Variants in FGF18 observed in about 807,000 individuals in gnomAD.
FGF18 encodes fibroblast growth factor 18.
Under a neutral mutation model 23.0 loss-of-function variants are expected in FGF18, and 5 were observed. The ratio of observed to expected loss-of-function variants is 0.22; its 90% CI spans 0.11 to 0.46. FGF18 has a LOEUF of 0.46. Ranked by LOEUF, FGF18 falls within the 20% of genes least tolerant of loss-of-function variation. FGF18 has a pLI of 0.99. For synonymous variants in FGF18, 117 were observed against 118.9 expected, an observed-to-expected ratio of 0.98 and a Z score of 0.10; for missense variants, 180 against 291.6, an observed-to-expected ratio of 0.62 and a Z score of 2.79.
chr5:171,438,911 C>G (rs1235173738), intron 3 of FGF18, among the ~76,000 whole-genome samples: 1 of 152,072 alleles, frequency 6.6e-6, no homozygotes, highest in Non-Finnish European at 1.5e-5. Context: ...GAGGGGCTGC[C>G]AGAGCACCCA....
At chr5:171,425,574 A>G (rs1392530854) in intron 2 of FGF18, among the ~76,000 whole-genome samples, 1 of 121,934 alleles carries the variant, frequency 8.2e-6, no homozygotes, top group African/African-American at 3.2e-5. Context: ...CCTGTTGCCC[A>G]GGCTGGAGTG....
intron 2 of FGF18, among the ~76,000 whole-genome samples, chr5:171,429,886 G>A (rs1054225936): frequency 9.2e-5 from 14 of 152,220 alleles, no homozygotes; most frequent in African/African-American, 2.9e-4. Context: ...ACCAGTTGTC[G>A]TCCTGGAAAA....
intron 4 of FGF18, among the ~76,000 whole-genome samples, chr5:171,450,594 A>G (rs570291859): frequency 6.6e-6 from 1 of 152,314 alleles, no homozygotes; most frequent in Non-Finnish European, 1.5e-5. Context: ...GCCCACACCA[A>G]CTGAGGCTTC....
chr5:171,427,912 G>A (rs897750628), intron 2 of FGF18, among the ~76,000 whole-genome samples: 1 of 152,110 alleles, frequency 6.6e-6, no homozygotes, highest in South Asian at 2.1e-4. Flanking sequence ...GGCCCAGCAC[G>A]CTTCAGTTGG....
At chr5:171,429,107 C>A (rs1464953325) in intron 2 of FGF18, among the ~76,000 whole-genome samples, 1 of 152,172 alleles carries the variant, frequency 6.6e-6, no homozygotes, top group Non-Finnish European at 1.5e-5. Flanking sequence ...AGGAAAGAGG[C>A]CAGAAGCCCG....
At position 171,451,233 on chromosome 5, in the gene FGF18, C is replaced by T. The variant is rs922643163; in HGVS notation, c.357+1980C>T. ...AGGGAGGCCCGGCCCCGGCCCCCGG[C>T]GCCTCCCCCGCTCCCGCCCAGGCCT... On this transcript the variant is annotated intron_variant, in intron 4 of 4. Transcript: ENST00000274625. The surrounding 1 kb of genome is among the most constrained non-coding windows in gnomAD (Gnocchi z 4.5). Among the ~76,000 whole-genome samples, 1 of 152,114 alleles carries T rather than the reference C, an allele frequency of 6.6e-6. No homozygotes were observed. The highest frequency in any genetic ancestry group is 1.5e-5 in the Non-Finnish European group (1 of 67,992).
Position 171,451,777 on chromosome 5 carries a change from G to A in FGF18, c.357+2524G>A, listed in dbSNP as rs1217719781. Among the ~76,000 whole-genome samples, 1 of 152,134 alleles carries A rather than the reference G, an allele frequency of 6.6e-6. No individual in the cohort carries two copies. Among genetic ancestry groups the A allele is most frequent in the African/African-American group, 2.4e-5 (1 of 41,420 alleles). ...CACTGAGCACCGCTGTTCCATGGAC[G>A]GGGCCTTCGGGCACTGTCCATGCTG... On this transcript the variant is annotated intron_variant, in intron 4 of 4. Transcript: ENST00000274625. This position sits in a 1 kb window ranked among gnomAD's most constrained non-coding sequence, Gnocchi z 4.5.
rs370298354 is a variant in FGF18 at position 171,420,479 on chromosome 5, C to G, written c.69+36C>G. 13 of 1,605,878 alleles carry G rather than the reference C, an allele frequency of 8.1e-6. No individual in the cohort carries two copies. The East Asian group carries it at 2.5e-4, about 30-fold the overall frequency. On this transcript the variant is annotated intron_variant, in intron 2 of 4. Coordinates refer to ENST00000274625, the MANE Select transcript of FGF18 (RefSeq NM_003862.3). ...TCCTGACTTTGACCTCCTCCCGCCCCTGCCTCGCGGTACACGCCGACCCCC... is the reference window on the plus strand; with the variant it reads ...TCCTGACTTTGACCTCCTCCCGCCCGTGCCTCGCGGTACACGCCGACCCCC...
intron 2 of FGF18, among the ~76,000 whole-genome samples, chr5:171,430,559 C>A (rs561609760): frequency 6.7e-6 from 1 of 150,080 alleles, no homozygotes; most frequent in Non-Finnish European, 1.5e-5. Flanking sequence ...GAGGCCGAGG[C>A]GGGTGGATCA....
chr5:171,443,677 G>C (rs1772379637), intron 3 of FGF18, among the ~76,000 whole-genome samples: 1 of 151,922 alleles, frequency 6.6e-6, no homozygotes, highest in Non-Finnish European at 1.5e-5. Context: ...AGTCATTTTT[G>C]CTGCAGGCAT....
At position 171,457,513 on chromosome 5, in the gene FGF18, A is replaced by T. The variant is rs561406941; in HGVS notation, c.*708A>T. 2.0e-5 allele frequency: 3 copies of T among 151,656 alleles called. No individual in the cohort carries two copies. Among genetic ancestry groups the T allele is most frequent in the Non-Finnish European group, 4.4e-5 (3 of 67,966 alleles). 9.4% of individuals were successfully genotyped at this position (151,656 alleles called of 1,614,324 possible). On this transcript the variant is annotated 3_prime_UTR_variant, in exon 5 of 5. Transcript: ENST00000274625. ...AATATTTTAAAACCAGCTATATTAT[A>T]TATATTATATATATATAAGCTATTT... is the stretch of plus-strand genomic sequence containing the variant.
At chr5:171,429,086 C>T (rs145053071) in intron 2 of FGF18, among the ~76,000 whole-genome samples, 61 of 152,222 alleles carry the variant, frequency 4.0e-4, no homozygotes, top group African/African-American at 9.9e-4. Context: ...AGTTGGTGTG[C>T]GGAGTGTCAC....
intron 2 of FGF18, among the ~76,000 whole-genome samples, chr5:171,429,199 T>C (rs565610561): frequency 2.6e-5 from 4 of 152,302 alleles, no homozygotes; most frequent in African/African-American, 9.6e-5. Context: ...TTTCCATCCA[T>C]GGGAAACTCA....
rs184583350 is a variant in FGF18 at position 171,435,412 on chromosome 5, G to A, written c.70-681G>A. On this transcript the variant is annotated intron_variant, in intron 2 of 4. Transcript: ENST00000274625. The stretch of plus-strand genomic sequence containing the variant: ...CCAGGGAAGGCTTCCTGGAGGATGT[G>A]GACAGGCACAAGCTAAGCCTCAAGG... 1.5e-3 allele frequency among the ~76,000 whole-genome samples: 229 copies of A among 152,320 alleles called. 2 individuals are homozygous for A. The highest frequency in any genetic ancestry group is 2.9e-3 in the South Asian group (14 of 4,828).
Position 171,440,225 on chromosome 5 carries a change from T to TGGG in FGF18, c.250+3959_250+3961dup, listed in dbSNP as rs61100768. ...ACCTGACCTCCTTACTATGGGTGTG[T>TGGG]GGGGGGGGGTGGTGCCATCGCGGGC... On this transcript the variant is annotated intron_variant, in intron 3 of 4. Coordinates refer to ENST00000274625, the MANE Select transcript of FGF18 (RefSeq NM_003862.3). This position sits in a 1 kb window ranked among gnomAD's most constrained non-coding sequence, Gnocchi z 4.0. 1.2e-4 allele frequency among the ~76,000 whole-genome samples: 18 copies of TGGG among 150,788 alleles called. No individual in the cohort carries two copies. The highest frequency in any genetic ancestry group is 4.2e-4 in the South Asian group (2 of 4,744).
rs1259757081 is a variant in FGF18 at position 171,436,568 on chromosome 5, C to CAGGTGGCTG, written c.250+296_250+304dup. Among the ~76,000 whole-genome samples the CAGGTGGCTG allele has an allele frequency of 4.6e-5, 7 of 152,354 alleles. No homozygotes were observed. The highest frequency in any genetic ancestry group is 2.0e-4 in the Admixed American group (3 of 15,310). On this transcript the variant is annotated intron_variant, in intron 3 of 4. Coordinates refer to ENST00000274625, the MANE Select transcript of FGF18 (RefSeq NM_003862.3). The surrounding 1 kb of genome is among the most constrained non-coding windows in gnomAD (Gnocchi z 4.4). ...GTGGCTTGCCTGGGATGGCCTAAAG[C>CAGGTGGCTG]AGGTGGCTGTTCCCATGCCACCACT...
intron 3 of FGF18, among the ~76,000 whole-genome samples, chr5:171,446,895 AT>A (rs1407837829): frequency 1.3e-5 from 2 of 152,152 alleles, no homozygotes; most frequent in Non-Finnish European, 2.9e-5. Flanking sequence ...GCCCTCAAGG[AT>A]GCTGGGAAGT....
At chr5:171,444,274 AG>A (rs1282419881) in intron 3 of FGF18, among the ~76,000 whole-genome samples, 1 of 152,038 alleles carries the variant, frequency 6.6e-6, no homozygotes, top group Non-Finnish European at 1.5e-5. Context: ...CTGAGAAGTG[AG>A]GGGTGGGGTA....
chr5:171,446,424 C>T (rs1772420418), intron 3 of FGF18, among the ~76,000 whole-genome samples: 1 of 152,180 alleles, frequency 6.6e-6, no homozygotes, highest in African/African-American at 2.4e-5. Flanking sequence ...GTCCTGAGGT[C>T]AGTCCCTGTT....
Sources: gnomAD v4.1 joint callset for allele counts (sites outside exome capture counted in the v4.1 genomes callset) on GRCh38, gnomAD v4.1.1 for gene constraint, Gnocchi (gnomAD v3.1) non-coding constraint, MANE v1.5 for transcripts, NCBI Gene and HGNC (gene_info 2026-07-23, HGNC 2026-07-21) for gene names.